CNGA3: variants seen among roughly 807,000 people sequenced by gnomAD.
CNGA3 encodes the protein cyclic nucleotide-gated channel alpha-3.
In CNGA3, 42 loss-of-function variants were observed where a neutral mutation model predicts 46.6. The observed-to-expected ratio is 0.90, with a 90% CI of 0.70 to 1.17. CNGA3 has a LOEUF of 1.17. Among genes scored for constraint, CNGA3 ranks in the 50% most tolerant of loss-of-function variants. The pLI, the probability that CNGA3 is intolerant of heterozygous loss-of-function variation, is 0.00. For missense variants in CNGA3, 893 were observed against 890.7 expected (o/e 1.00, Z -0.03); for synonymous variants, 394 against 369.4 (o/e 1.07, Z -0.76).
chr2:98,348,710 T>C (rs931608537), intron 1 of CNGA3, among the ~76,000 whole-genome samples: 2 of 152,166 alleles, frequency 1.3e-5, no homozygotes, highest in Non-Finnish European at 2.9e-5. Context: ...CCTAATGCAT[T>C]TTGGTAACAC....
chr2:98,347,260 T>C (rs372755284), intron 1 of CNGA3: 3 of 152,128 alleles, frequency 2.0e-5, no homozygotes, highest in East Asian at 3.9e-4. Flanking sequence ...ACACCCGGGA[T>C]CTCGGACGCC....
Position 98,391,936 on chromosome 2 carries a change from G to T in CNGA3, c.639G>T (p.Leu213=). 6.2e-7 allele frequency: 1 copy of T among 1,614,110 alleles called. No homozygotes were observed. The highest frequency in any genetic ancestry group is 8.5e-7 in the Non-Finnish European group (1 of 1,180,000). ...WLVLDYSADV[L]YVLDVLVRAR... ...TCCTGGACTACTCGGCAGATGTCCT[G>T]TATGTCTTGGATGTGCTTGTACGAG... is the stretch of plus-strand genomic sequence containing the variant. The change falls in exon 7 of 8, where the codon CTG becomes CTT. Residue 213 remains leucine (L), a synonymous_variant. Transcript: ENST00000272602.
At chr2:98,363,961 T>C (rs1055271372) in intron 1 of CNGA3, among the ~76,000 whole-genome samples, 4 of 152,236 alleles carry the variant, frequency 2.6e-5, no homozygotes, top group Admixed American at 2.0e-4. Context: ...ACTTGTTTTA[T>C]GAATCTAGGT....
Position 98,353,726 on chromosome 2 carries a change from A to ATTTC in CNGA3, c.-38+7192_-38+7193insTTTC, listed in dbSNP as rs554771779. On this transcript the variant is annotated intron_variant, in intron 1 of 7. Transcript: ENST00000272602. ...TGAGAACTTGGTAATTTATAAAGAA[A>ATTTC]AGAGGTTTACTCAGCTCATAGTTCT... Among the ~76,000 whole-genome samples the ATTTC allele has an allele frequency of 2.6e-4, 39 of 152,336 alleles. No individual in the cohort carries two copies. In the East Asian group the frequency reaches 3.3e-3, roughly 13 times the overall value.
intron 1 of CNGA3, 91 bp from the exon 2 acceptor site, chr2:98,369,848 G>A (rs1035296991): frequency 7.8e-6 from 6 of 766,610 alleles, no homozygotes; most frequent in Non-Finnish European, 1.1e-5. Flanking sequence ...CTTGCAGGGG[G>A]GCCGCGTGCG....
intron 1 of CNGA3, among the ~76,000 whole-genome samples, chr2:98,348,992 A>G (rs1052376581): frequency 2.0e-5 from 3 of 152,158 alleles, no homozygotes; most frequent in African/African-American, 7.2e-5. Context: ...ACTGGCCAGC[A>G]AGAGAGGAAA....
intron 3 of CNGA3, 31 bp downstream of exon 3, chr2:98,377,831 C>T (rs761917900): frequency 6.4e-7 from 1 of 1,574,736 alleles, no homozygotes; most frequent in Admixed American, 1.7e-5. Flanking sequence ...CCTACCTTGG[C>T]CTGGGGGACA....
rs1692911635 is a variant in CNGA3, at chr2:98,396,304, T to C, written c.1134T>C (p.Tyr378=). The change falls in exon 8 of 8, where the codon TAT becomes TAC. Residue 378 remains tyrosine (Y), a synonymous_variant. Transcript: ENST00000272602. ...ETPPPVKDEE[Y]LFVVVDFLVG... ...CACCCCCCGTGAAAGATGAGGAGTATCTCTTTGTGGTCGTAGACTTCTTGG... is the reference window on the plus strand; with the variant it reads ...CACCCCCCGTGAAAGATGAGGAGTACCTCTTTGTGGTCGTAGACTTCTTGG... 6.2e-7 allele frequency: 1 copy of C among 1,610,996 alleles called. No individual in the cohort carries two copies. Among genetic ancestry groups the C allele is most frequent in the Non-Finnish European group, 8.5e-7 (1 of 1,177,772 alleles).
At chr2:98,346,880 G>A (rs1039180517) in intron 1 of CNGA3, 10 of 155,550 alleles carry the variant, frequency 6.4e-5, no homozygotes, top group Non-Finnish European at 8.5e-5. Flanking sequence ...AGCCCGCTGA[G>A]CCGTCGGGGC....
chr2:98,357,997 T>C (rs1411837684), intron 1 of CNGA3, among the ~76,000 whole-genome samples: 1 of 152,248 alleles, frequency 6.6e-6, no homozygotes, highest in African/African-American at 2.4e-5. Flanking sequence ...CTATTCCCTC[T>C]TGGGGTTACT....
intron 4 of CNGA3, among the ~76,000 whole-genome samples, chr2:98,382,681 C>A (rs1692566053): frequency 6.6e-6 from 1 of 152,164 alleles, no homozygotes; most frequent in African/African-American, 2.4e-5. Flanking sequence ...GAGATAATAC[C>A]TTTTCCTATA....
At chr2:98,389,062 C>G (rs1692724359) in intron 5 of CNGA3, among the ~76,000 whole-genome samples, 1 of 152,228 alleles carries the variant, frequency 6.6e-6, no homozygotes, top group Non-Finnish European at 1.5e-5. Context: ...GCCCACGTGA[C>G]AGGTTATTCC....
intron 1 of CNGA3, among the ~76,000 whole-genome samples, chr2:98,368,255 T>C (rs1574368653): frequency 6.6e-6 from 1 of 152,248 alleles, no homozygotes; most frequent in African/African-American, 2.4e-5. Context: ...CAATGGCTCC[T>C]GTCTCTGACC....
At chr2:98,371,663 C>G (rs1276541293) in intron 2 of CNGA3, among the ~76,000 whole-genome samples, 1 of 152,158 alleles carries the variant, frequency 6.6e-6, no homozygotes, top group Non-Finnish European at 1.5e-5. Flanking sequence ...CTAACTAGCC[C>G]TTTGTCAATG....
intron 3 of CNGA3, chr2:98,378,163 T>A (rs899080747): frequency 6.4e-7 from 1 of 1,550,542 alleles, no homozygotes; most frequent in African/African-American, 1.4e-5. Flanking sequence ...AGGATGGTGG[T>A]GATGAGTCTG....
At chr2:98,369,646 C>T (rs1692240426) in intron 1 of CNGA3, among the ~76,000 whole-genome samples, 1 of 152,192 alleles carries the variant, frequency 6.6e-6, no homozygotes, top group African/African-American at 2.4e-5. Context: ...TATCACATAC[C>T]AACTTGGCCC....
chr2:98,375,285 G>T (rs1290270504), intron 2 of CNGA3, among the ~76,000 whole-genome samples: 1 of 152,216 alleles, frequency 6.6e-6, no homozygotes, highest in Non-Finnish European at 1.5e-5. Flanking sequence ...TAAAACGCTG[G>T]GCCGACTGCT....
At chr2:98,355,104 T>C (rs1056614352) in intron 1 of CNGA3, among the ~76,000 whole-genome samples, 11 of 152,164 alleles carry the variant, frequency 7.2e-5, no homozygotes, top group African/African-American at 2.7e-4. Context: ...TAGGAGGGAG[T>C]ATTACATTGA....
chr2:98,395,916 T>C lies in CNGA3; in HGVS notation c.746T>C (p.Phe249Ser). 1.2e-6 allele frequency: 2 copies of C among 1,614,202 alleles called. No homozygotes were observed. The highest frequency in any genetic ancestry group is 1.7e-6 in the Non-Finnish European group (2 of 1,180,038). The change falls in exon 8 of 8, where the codon TTC (phenylalanine) becomes TCC (serine). Residue 249 changes from phenylalanine to serine, a missense_variant. Phe to Ser is a radical substitution (Grantham distance 155). Coordinates refer to ENST00000272602, the MANE Select transcript of CNGA3 (RefSeq NM_001298.3). ...LWQHYKTTTQ[F>S]KLDVLSLVPT... Reference sequence around the variant, plus strand: ...CAGCATTACAAGACGACCACGCAGTTCAAGCTGGATGTGTTGTCCCTGGTC... The same window carrying C: ...CAGCATTACAAGACGACCACGCAGTCCAAGCTGGATGTGTTGTCCCTGGTC...
Sources: allele counts gnomAD v4.1 joint callset (sites outside exome capture counted in the v4.1 genomes callset), GRCh38; gene constraint gnomAD v4.1.1; transcripts MANE v1.5; gene names NCBI Gene and HGNC (gene_info 2026-07-23, HGNC 2026-07-21).